Variants in GSAP observed in about 807,000 individuals in gnomAD.
GSAP encodes gamma-secretase-activating protein.
A neutral mutation model predicts 131.7 loss-of-function variants in GSAP; 118 were observed. That is an observed-to-expected ratio of 0.90 (90% CI 0.77 to 1.04). GSAP has a LOEUF of 1.04. GSAP is among the 50% of genes least tolerant of loss of function. The pLI, the probability that GSAP is intolerant of heterozygous loss-of-function variation, is 0.00. For synonymous variants in GSAP, 381 were observed against 363.4 expected (o/e 1.05, Z -0.55); for missense variants, 1,019 against 1,013.2 (o/e 1.01, Z -0.08).
rs751944413 is a variant in GSAP at position 77,355,550 on chromosome 7, C to T, written c.1120+5G>A. On this transcript the variant is annotated splice_donor_5th_base_variant and intron_variant, in intron 15 of 30. Transcript: ENST00000257626. Reference sequence around the variant, plus strand: ...ACCTCTACAAGAGAAAAACTATAGCCGTACCTGTCAGAAAGAGATTGTGGC... The same window carrying T: ...ACCTCTACAAGAGAAAAACTATAGCTGTACCTGTCAGAAAGAGATTGTGGC... 3.1e-6 allele frequency: 5 copies of T among 1,598,378 alleles called. No individual in the cohort carries two copies. The highest frequency in any genetic ancestry group is 2.2e-5 in the South Asian group (2 of 90,594).
At chr7:77,403,420 G>C (rs556242796) in intron 3 of GSAP, among the ~76,000 whole-genome samples, 1 of 152,204 alleles carries the variant, frequency 6.6e-6, no homozygotes, top group African/African-American at 2.4e-5. Context: ...TAAAAAATTT[G>C]TAATGGATAA....
chr7:77,411,665 A>G (rs954490526), intron 1 of GSAP, among the ~76,000 whole-genome samples: 2 of 152,256 alleles, frequency 1.3e-5, no homozygotes, highest in African/African-American at 4.8e-5. Flanking sequence ...GGAAAGATCC[A>G]ATATTGTAAA....
intron 19 of GSAP, among the ~76,000 whole-genome samples, chr7:77,346,899 G>T (rs1791972063): frequency 6.6e-6 from 1 of 151,544 alleles, no homozygotes; most frequent in African/African-American, 2.4e-5. Context: ...CCTTTCACCT[G>T]CCCTAAGGCA....
intron 3 of GSAP, among the ~76,000 whole-genome samples, chr7:77,403,243 T>C (rs770596596): frequency 1.4e-4 from 21 of 152,192 alleles, no homozygotes; most frequent in Non-Finnish European, 2.2e-4. Context: ...TGAGTTTATG[T>C]TGATCATCAC....
intron 13 of GSAP, among the ~76,000 whole-genome samples, chr7:77,361,795 G>T (rs970718502): frequency 1.2e-4 from 19 of 152,176 alleles, no homozygotes; most frequent in African/African-American, 4.6e-4. Context: ...ACAGAACCAG[G>T]AGAAATTAGT....
intron 19 of GSAP, among the ~76,000 whole-genome samples, chr7:77,346,784 C>T (rs1354959358): frequency 6.6e-6 from 1 of 152,078 alleles, no homozygotes; most frequent in East Asian, 1.9e-4. Context: ...CCACCCACTC[C>T]TGGTTCACAA....
chr7:77,391,243 C>G (rs1031813800), intron 5 of GSAP, among the ~76,000 whole-genome samples: 3 of 151,300 alleles, frequency 2.0e-5, no homozygotes, highest in Admixed American at 1.3e-4. Context: ...ATTTTCTTAC[C>G]TTTAAAATGG....
rs1584189312 is a variant in GSAP, at chr7:77,313,376, A to C, written c.2271+112T>G. On this transcript the variant is annotated intron_variant, in intron 28 of 30. Coordinates refer to ENST00000257626, the MANE Select transcript of GSAP (RefSeq NM_017439.4). The stretch of plus-strand genomic sequence containing the variant: ...ATTTCTTGGAAGTGTTGAAAAGTGA[A>C]ACAATTCAATTGACTTTAACCCAAA... 1.1e-5 allele frequency: 7 copies of C among 633,890 alleles called. No individual in the cohort carries two copies. The East Asian group carries it at 1.9e-4, about 18-fold the overall frequency. The allele number at this position is 633,890 out of a possible 1,614,324, so 39.3% of individuals were successfully genotyped here.
chr7:77,323,637 C>G lies in GSAP; in HGVS notation c.1923+10G>C. ...AGGGGCATATGAGGAGAATAAAAAG[C>G]AAGACCAACCAGTTTTGAAATGTAG... On this transcript the variant is annotated intron_variant, in intron 24 of 30. Coordinates refer to ENST00000257626, the MANE Select transcript of GSAP (RefSeq NM_017439.4). 6.7e-7 allele frequency: 1 copy of G among 1,501,462 alleles called. No individual in the cohort carries two copies. Among genetic ancestry groups the G allele is most frequent in the Non-Finnish European group, 9.2e-7 (1 of 1,082,086 alleles). 93.0% of individuals were successfully genotyped at this position (1,501,462 alleles called of 1,614,324 possible).
intron 14 of GSAP, among the ~76,000 whole-genome samples, chr7:77,357,299 T>A (rs541275272): frequency 6.6e-6 from 1 of 152,290 alleles, no homozygotes; most frequent in African/African-American, 2.4e-5. Flanking sequence ...TGATGGCTCC[T>A]GAAGATATGC....
intron 14 of GSAP, among the ~76,000 whole-genome samples, chr7:77,356,215 C>T (rs910044670): frequency 6.6e-6 from 1 of 152,204 alleles, no homozygotes; most frequent in African/African-American, 2.4e-5. Flanking sequence ...CCATCTTTGG[C>T]TAATTTTCTT....
Position 77,416,237 on chromosome 7 carries a change from T to G in GSAP, c.85A>C (p.Ser29Arg). The change falls in exon 1 of 31, where the codon AGC becomes CGC. Residue 29 changes from serine to arginine, a missense_variant. Transcript: ENST00000257626. ...CCTGCGCCGCCGCTTCCGGCCCCGC[T>G]GGCCTCCGACACTGCCCGCTGCGCC... ...LRAQRAVSEA[S>R]GAGSGGADVL... is the part of the protein sequence containing the mutation. 7.0e-7 allele frequency: 1 copy of G among 1,427,970 alleles called. No individual in the cohort carries two copies. The highest frequency in any genetic ancestry group is 9.2e-7 in the Non-Finnish European group (1 of 1,087,078). 88.5% of individuals were successfully genotyped at this position (1,427,970 alleles called of 1,614,324 possible).
At chr7:77,357,831 C>T (rs1028420441) in intron 14 of GSAP, among the ~76,000 whole-genome samples, 1 of 152,104 alleles carries the variant, frequency 6.6e-6, no homozygotes, top group Non-Finnish European at 1.5e-5. Flanking sequence ...AGACTCATTT[C>T]GAACTTCCAA....
chr7:77,406,845 G>C (rs375450168), intron 1 of GSAP, among the ~76,000 whole-genome samples: 1 of 152,226 alleles, frequency 6.6e-6, no homozygotes, highest in Non-Finnish European at 1.5e-5. Context: ...GAGTGGAAAA[G>C]TATTTCACTG....
intron 1 of GSAP, among the ~76,000 whole-genome samples, chr7:77,409,086 G>A (rs1222384606): frequency 6.6e-6 from 1 of 152,124 alleles, no homozygotes; most frequent in Non-Finnish European, 1.5e-5. Context: ...GGGTATAAAC[G>A]TTTGTCAGTA....
intron 3 of GSAP, among the ~76,000 whole-genome samples, chr7:77,398,557 A>G (rs541873209): frequency 3.9e-4 from 59 of 152,360 alleles, no homozygotes; most frequent in Middle Eastern, 3.4e-3. Flanking sequence ...ACTATCAAAT[A>G]AAAAGTCAAA....
chr7:77,338,623 T>C (rs1790402372), intron 19 of GSAP, among the ~76,000 whole-genome samples: 1 of 152,188 alleles, frequency 6.6e-6, no homozygotes, highest in Non-Finnish European at 1.5e-5. Context: ...ATGTGTTCGC[T>C]GTAACCTCAT....
rs1563030662 is a variant in GSAP at position 77,362,647 on chromosome 7, TACAC to T, written c.881_884del (p.Cys294TyrfsTer39). 1.3e-6 allele frequency: 2 copies of T among 1,568,384 alleles called. No individual in the cohort carries two copies. The highest frequency in any genetic ancestry group is 1.8e-6 in the Non-Finnish European group (2 of 1,139,104). On this transcript the variant is annotated frameshift_variant, in exon 13 of 31. Transcript: ENST00000257626. LOFTEE classifies it high-confidence loss of function. ...AAGAGGCACACTTCGGGCTGTAACA[TACAC>T]ACAAACTTCCTAGAAGAAAAAGGAT...
chr7:77,405,911 C>T, intron 2 of GSAP, 118 bp downstream of exon 2: 1 of 358,524 alleles, frequency 2.8e-6, no homozygotes, highest in Non-Finnish European at 4.7e-6. Context: ...TAAATGCCAA[C>T]AAGTTTATTC....
Sources: gnomAD v4.1 joint callset for allele counts (sites outside exome capture counted in the v4.1 genomes callset) on GRCh38, gnomAD v4.1.1 for gene constraint, MANE v1.5 for transcripts, NCBI Gene and HGNC (gene_info 2026-07-23, HGNC 2026-07-21) for gene names.